Variants in CYRIB observed in about 807,000 individuals in gnomAD.
The protein encoded by CYRIB is CYFIP related Rac1 interactor B.
CYRIB carries 8 observed loss-of-function variants against 44.2 expected under a neutral mutation model. The observed-to-expected ratio is 0.18, with a 90% CI of 0.11 to 0.33. The LOEUF (loss-of-function observed/expected upper bound fraction) is 0.33, where lower values mean the gene tolerates loss of function less well. CYRIB is among the 10% of genes least tolerant of loss of function. The probability of loss-of-function intolerance (pLI) is 1.00; values close to 1 mark genes in which losing one functional copy is unlikely to be tolerated. For synonymous variants in CYRIB, 131 were observed against 127.2 expected, an observed-to-expected ratio of 1.03 and a Z score of -0.20; for missense variants, 185 against 382.8, an observed-to-expected ratio of 0.48 and a Z score of 4.31.
chr8:129,930,365 T>TTTTATATATATATATATATATA (rs369665802), intron 1 of CYRIB, among the ~76,000 whole-genome samples: 10,843 of 50,538 alleles, frequency 0.21, 2,223 homozygotes, highest in Middle Eastern at 0.4. Flanking sequence ...TGTGAAGTGC[T>TTTTATATATATATATATATATA]TATATATATA....
intron 2 of CYRIB, among the ~76,000 whole-genome samples, chr8:129,947,287 T>G (rs967800958): frequency 2.0e-5 from 3 of 152,180 alleles, no homozygotes; most frequent in Admixed American, 6.5e-5. Context: ...CTCAAACTCC[T>G]GACTTCAAGT....
chr8:129,880,946 C>T (rs2060600703), intron 2 of CYRIB, among the ~76,000 whole-genome samples: 1 of 152,058 alleles, frequency 6.6e-6, no homozygotes, highest in East Asian at 1.9e-4. Context: ...CAATTAATGA[C>T]CCATCTAAAA....
intron 1 of CYRIB, among the ~76,000 whole-genome samples, chr8:129,987,011 A>G (rs1276282412): frequency 1.3e-5 from 2 of 152,198 alleles, no homozygotes; most frequent in East Asian, 3.9e-4. Flanking sequence ...GCCCCTAACT[A>G]GACAGTAAGA....
rs1271658695 is a variant in CYRIB at position 130,015,420 on chromosome 8, C to CG, written c.-296+949dup. Among the ~76,000 whole-genome samples, 16 of 152,250 alleles carry CG rather than the reference C, an allele frequency of 1.1e-4. No individual in the cohort carries two copies. The East Asian group carries it at 2.9e-3, about 28-fold the overall frequency. On this transcript the variant is annotated intron_variant, in intron 1 of 14. Transcript: ENST00000401979. ...CACTCGCAGCAGCCCATTTCACAGA[C>CG]GGGACCCTAAGACTCAGAGAGGGTA...
intron 1 of CYRIB, among the ~76,000 whole-genome samples, chr8:130,014,873 T>A (rs1243598136): frequency 6.6e-6 from 1 of 152,134 alleles, no homozygotes; most frequent in Non-Finnish European, 1.5e-5. Flanking sequence ...AAAAGTCACC[T>A]CTTCCGGGCT....
At chr8:129,868,580 C>A (rs552987163) in intron 4 of CYRIB, 2 of 152,108 alleles carry the variant, frequency 1.3e-5, no homozygotes, top group Admixed American at 6.5e-5. Context: ...GTGAACTATG[C>A]GTGGCTATGT....
intron 2 of CYRIB, among the ~76,000 whole-genome samples, chr8:129,889,339 C>T (rs773167112): frequency 1.9e-4 from 29 of 152,314 alleles, no homozygotes; most frequent in African/African-American, 2.2e-4. Flanking sequence ...AGGAGATTAA[C>T]GCTGTTTTCA....
At chr8:129,909,840 G>A (rs1310206240) in intron 1 of CYRIB, among the ~76,000 whole-genome samples, 1 of 152,202 alleles carries the variant, frequency 6.6e-6, no homozygotes, top group Non-Finnish European at 1.5e-5. Flanking sequence ...GCACACAAGG[G>A]TCACGCTCTT....
intron 1 of CYRIB, among the ~76,000 whole-genome samples, chr8:129,918,389 C>T (rs970192511): frequency 6.6e-6 from 1 of 152,114 alleles, no homozygotes; most frequent in African/African-American, 2.4e-5. Flanking sequence ...ATGCTTTTTA[C>T]GTTTTCTAAG....
At chr8:129,879,308 A>G in intron 3 of CYRIB, 81 bp downstream of exon 5, 1 of 943,326 alleles carries the variant, frequency 1.1e-6, no homozygotes, top group Non-Finnish European at 1.7e-6. Flanking sequence ...AAAAGATGGC[A>G]AAGTGGAAAC....
Position 129,906,126 on chromosome 8 carries a change from A to C in CYRIB, c.-49-2776T>G, listed in dbSNP as rs563610523. ...CTTTAAAGTTCATATGGAACCAAAA[A>C]AGAGCCCGCATCACCAAGTCAATCC... On this transcript the variant is annotated intron_variant, in intron 1 of 11. Transcript: ENST00000519824. 7.2e-5 allele frequency among the ~76,000 whole-genome samples: 11 copies of C among 152,264 alleles called. No individual in the cohort carries two copies. In the South Asian group the frequency reaches 8.3e-4, roughly 11 times the overall value.
chr8:129,931,133 T>C (rs2091132502), intron 1 of CYRIB, among the ~76,000 whole-genome samples: 1 of 151,410 alleles, frequency 6.6e-6, no homozygotes, highest in Non-Finnish European at 1.5e-5. Flanking sequence ...ATAAATAAAA[T>C]GGAGCCCTAC....
At chr8:129,968,837 A>G in intron 2 of CYRIB, among the ~76,000 whole-genome samples, 1 of 151,932 alleles carries the variant, frequency 6.6e-6, no homozygotes, top group East Asian at 1.9e-4. Context: ...CCTTTTCATG[A>G]AAAAGTCAGA....
At chr8:129,983,803 C>T (rs889903721) in intron 1 of CYRIB, among the ~76,000 whole-genome samples, 5 of 152,214 alleles carry the variant, frequency 3.3e-5, no homozygotes, top group African/African-American at 1.2e-4. Flanking sequence ...CTGCAGAGGA[C>T]GCAGCCCTCT....
intron 5 of CYRIB, among the ~76,000 whole-genome samples, chr8:129,858,920 C>A (rs1471201940): frequency 6.6e-6 from 1 of 152,188 alleles, no homozygotes; most frequent in Non-Finnish European, 1.5e-5. Flanking sequence ...ACTGTAGGGT[C>A]CAGCCCCACA....
intron 1 of CYRIB, among the ~76,000 whole-genome samples, chr8:130,014,521 A>T (rs1018917017): frequency 2.0e-5 from 3 of 152,164 alleles, no homozygotes; most frequent in Admixed American, 2.0e-4. Context: ...AAATAATAGT[A>T]GCACTTACGG....
intron 1 of CYRIB, among the ~76,000 whole-genome samples, chr8:129,920,790 G>A (rs1250373369): frequency 6.6e-6 from 1 of 151,970 alleles, no homozygotes; most frequent in Non-Finnish European, 1.5e-5. Context: ...CCTTTCATTT[G>A]ATTTCCACCA....
chr8:129,911,050 T>C (rs1352935023), intron 1 of CYRIB, among the ~76,000 whole-genome samples: 1 of 152,244 alleles, frequency 6.6e-6, no homozygotes, highest in East Asian at 1.9e-4. Flanking sequence ...CAAGGCCTTA[T>C]GTATTTTTAA....
intron 1 of CYRIB, among the ~76,000 whole-genome samples, chr8:130,006,288 GTGACACTCTGTC>G (rs1307929725): frequency 6.6e-6 from 1 of 151,552 alleles, no homozygotes; most frequent in African/African-American, 2.4e-5. Flanking sequence ...GGGTGACAAA[GTGACACTCTGTC>G]TCAAAAGAAA....
Sources: allele counts gnomAD v4.1 joint callset (sites outside exome capture counted in the v4.1 genomes callset), GRCh38; gene constraint gnomAD v4.1.1; transcripts MANE v1.5; gene names NCBI Gene and HGNC (gene_info 2026-07-23, HGNC 2026-07-21).